GMDS: variants seen among roughly 807,000 people sequenced by gnomAD.
GMDS encodes the protein GDP-mannose 4,6 dehydratase.
GMDS carries 20 observed loss-of-function variants against 49.9 expected under a neutral mutation model. That is an observed-to-expected ratio of 0.40 (90% CI 0.28 to 0.58). The LOEUF (loss-of-function observed/expected upper bound fraction) is 0.58, where lower values mean the gene tolerates loss of function less well. GMDS is among the 20% of genes least tolerant of loss of function. GMDS has a pLI of 0.42. For missense variants in GMDS, 362 were observed against 481.4 expected (o/e 0.75, Z 2.32); for synonymous variants, 177 against 178.6 (o/e 0.99, Z 0.07).
chr6:2,232,995 G>A (rs1781181381), intron 1 of GMDS, among the ~76,000 whole-genome samples: 1 of 152,222 alleles, frequency 6.6e-6, no homozygotes, highest in South Asian at 2.1e-4. Context: ...GGCTGGGAAA[G>A]GAGGGGATGG....
At chr6:2,107,804 G>A (rs894709471) in intron 4 of GMDS, among the ~76,000 whole-genome samples, 1 of 152,160 alleles carries the variant, frequency 6.6e-6, no homozygotes, top group Non-Finnish European at 1.5e-5. Flanking sequence ...GACACAAAAG[G>A]CACTATAGTA....
Position 1,624,168 on chromosome 6 carries a change from C to G in GMDS, c.*1G>C. 6.2e-7 allele frequency: 1 copy of G among 1,608,806 alleles called. No individual in the cohort carries two copies. On this transcript the variant is annotated 3_prime_UTR_variant, in exon 11 of 11. Transcript: ENST00000380815. The stretch of plus-strand genomic sequence containing the variant: ...GGGCGGGCCGGGCTCCGAGGCGCTG[C>G]TCAGGCATTGGGGTTTGTCCTCATG...
chr6:1,852,711 A>ATTTTTTTTT (rs777786801), intron 7 of GMDS, among the ~76,000 whole-genome samples: 9 of 142,514 alleles, frequency 6.3e-5, no homozygotes, highest in African/African-American at 2.1e-4. Context: ...GTGGGATCCG[A>ATTTTTTTTT]TTTTTTTTTT....
At chr6:2,192,591 G>C (rs9503118) in intron 1 of GMDS, among the ~76,000 whole-genome samples, 17,783 of 152,230 alleles carry the variant, frequency 0.12, 3,475 homozygotes, top group African/African-American at 0.4. Flanking sequence ...GCATCTCCAA[G>C]CTTCTGGGAG....
intron 4 of GMDS, among the ~76,000 whole-genome samples, chr6:1,997,333 CA>C (rs1326131610): frequency 6.6e-6 from 1 of 151,804 alleles, no homozygotes; most frequent in African/African-American, 2.4e-5. Flanking sequence ...CATGGTGAAA[CA>C]CCATCTCTAC....
chr6:2,216,250 T>C (rs1780328569), intron 1 of GMDS, among the ~76,000 whole-genome samples: 1 of 152,234 alleles, frequency 6.6e-6, no homozygotes, highest in Non-Finnish European at 1.5e-5. Flanking sequence ...GATATTTTGA[T>C]TTCTAGTTAC....
intron 7 of GMDS, among the ~76,000 whole-genome samples, chr6:1,824,870 T>C (rs1406207731): frequency 6.6e-6 from 1 of 152,238 alleles, no homozygotes; most frequent in Non-Finnish European, 1.5e-5. Context: ...CTTTGGACTG[T>C]GGTACCATAC....
chr6:2,189,012 G>T (rs546071035), intron 1 of GMDS, among the ~76,000 whole-genome samples: 1 of 152,208 alleles, frequency 6.6e-6, no homozygotes, highest in Non-Finnish European at 1.5e-5. Flanking sequence ...GCTGAACTCA[G>T]TATCAGAAGG....
intron 9 of GMDS, among the ~76,000 whole-genome samples, chr6:1,628,667 A>G (rs12173949): frequency 0.094 from 14,292 of 152,306 alleles, 1,116 homozygotes; most frequent in East Asian, 0.42. Context: ...TTCTAAGAGT[A>G]TGAGATCTTT....
intron 8 of GMDS, among the ~76,000 whole-genome samples, chr6:1,726,880 AAATT>A (rs1259594657): frequency 9.9e-5 from 15 of 151,878 alleles, no homozygotes; most frequent in African/African-American, 3.1e-4. Flanking sequence ...AAATTATTAT[AAATT>A]AATTAATATA....
At chr6:1,786,799 GTTT>G (rs35301662) in intron 7 of GMDS, among the ~76,000 whole-genome samples, 1 of 149,392 alleles carries the variant, frequency 6.7e-6, no homozygotes, top group African/African-American at 2.5e-5. Flanking sequence ...GTAATTTGTG[GTTT>G]TTTTTTTTAT....
intron 4 of GMDS, among the ~76,000 whole-genome samples, chr6:2,067,999 T>G (rs1348393510): frequency 4.0e-5 from 6 of 150,614 alleles, no homozygotes; most frequent in Non-Finnish European, 8.9e-5. Flanking sequence ...TGATGAACAT[T>G]GATGCAAAAA....
At chr6:1,660,976 T>C (rs1171824983) in intron 9 of GMDS, among the ~76,000 whole-genome samples, 2 of 151,484 alleles carry the variant, frequency 1.3e-5, no homozygotes, top group African/African-American at 2.4e-5. Context: ...CCCAAGCAGA[T>C]CACAAGTCCC....
At position 2,239,329 on chromosome 6, in the gene GMDS, C is replaced by CAAA. The variant is rs60419938; in HGVS notation, c.102+5989_102+5991dup. 7.5e-3 allele frequency among the ~76,000 whole-genome samples: 757 copies of CAAA among 101,064 alleles called. 7 individuals carry two copies. Among genetic ancestry groups the CAAA allele is most frequent in the African/African-American group, 0.02 (658 of 32,308 alleles). 66.3% of individuals were successfully genotyped at this position (101,064 alleles called of 152,430 possible). On this transcript the variant is annotated intron_variant, in intron 1 of 10. Coordinates refer to ENST00000380815, the MANE Select transcript of GMDS (RefSeq NM_001500.4). ...CTAGGCAACAGAGTAAGATCTGTCT[C>CAAA]AAAAAAAAAAAAAAAAAATCCAATT...
chr6:2,008,751 T>G (rs771794799), intron 4 of GMDS, among the ~76,000 whole-genome samples: 15 of 152,228 alleles, frequency 9.9e-5, no homozygotes, highest in Admixed American at 2.6e-4. Flanking sequence ...TAGTGCTTCA[T>G]ACTTGTCCTG....
chr6:2,120,950 C>T lies in GMDS; in HGVS notation c.148-3394G>A, dbSNP rs542542858. ...ACTCTGCCACCTCCAGATCAATAAGCCCATGAGTCCCACAGAGCTCCATTG... is the reference window on the plus strand; with the variant it reads ...ACTCTGCCACCTCCAGATCAATAAGTCCATGAGTCCCACAGAGCTCCATTG... On this transcript the variant is annotated intron_variant, in intron 2 of 10. Transcript: ENST00000380815. Among the ~76,000 whole-genome samples, 5 of 152,188 alleles carry T rather than the reference C, an allele frequency of 3.3e-5. No individual in the cohort carries two copies. In the South Asian group the frequency reaches 6.2e-4, roughly 19 times the overall value.
chr6:2,130,319 T>G (rs1177436545), intron 1 of GMDS, among the ~76,000 whole-genome samples: 1 of 152,212 alleles, frequency 6.6e-6, no homozygotes, highest in Admixed American at 6.5e-5. Flanking sequence ...TATTTCCCCA[T>G]AAAAGCTGCT....
Position 1,883,253 on chromosome 6 carries a change from T to C in GMDS, c.771+46850A>G, listed in dbSNP as rs1759445711. On this transcript the variant is annotated intron_variant, in intron 7 of 10. Coordinates refer to ENST00000380815, the MANE Select transcript of GMDS (RefSeq NM_001500.4). ...TAAAAATACAAAAATTAGCTGGGTG[T>C]GGTGAGGCACGCCTACAATCCCAGC... is the stretch of plus-strand genomic sequence containing the variant. Among the ~76,000 whole-genome samples, 3 of 152,060 alleles carry C rather than the reference T, an allele frequency of 2.0e-5. No individual in the cohort carries two copies. The South Asian group carries it at 6.2e-4, about 32-fold the overall frequency.
At chr6:1,917,959 T>C (rs1054893084) in intron 7 of GMDS, among the ~76,000 whole-genome samples, 1 of 152,242 alleles carries the variant, frequency 6.6e-6, no homozygotes, top group Admixed American at 6.5e-5. Context: ...AAAATGGTAC[T>C]GCAGAAGGCT....
Sources: allele counts gnomAD v4.1 joint callset (sites outside exome capture counted in the v4.1 genomes callset), GRCh38; gene constraint gnomAD v4.1.1; transcripts MANE v1.5; gene names NCBI Gene and HGNC (gene_info 2026-07-23, HGNC 2026-07-21).